MBD3L1: variants seen among roughly 807,000 people sequenced by gnomAD.
MBD3L1 encodes methyl-CpG binding domain protein 3 like 1.
For synonymous variants in MBD3L1, 84 were observed against 85.1 expected, an observed-to-expected ratio of 0.99 and a Z score of 0.07; for missense variants, 203 against 230.1, an observed-to-expected ratio of 0.88 and a Z score of 0.76.
At chr19:8,841,417 G>T (rs2044511767) in intron 2 of MBD3L1, among the ~76,000 whole-genome samples, 1 of 152,078 alleles carries the variant, frequency 6.6e-6, no homozygotes, top group African/African-American at 2.4e-5. Context: ...AGATACGGAG[G>T]TCCGGAGTAA....
intron 1 of MBD3L1, among the ~76,000 whole-genome samples, chr19:8,839,595 G>A (rs2044490421): frequency 6.6e-6 from 1 of 152,162 alleles, no homozygotes; most frequent in South Asian, 2.1e-4. Flanking sequence ...CAAGAGTCAT[G>A]TCAGATGAAT....
At chr19:8,839,264 A>G (rs549464666) in intron 1 of MBD3L1, among the ~76,000 whole-genome samples, 1 of 144,124 alleles carries the variant, frequency 6.9e-6, no homozygotes, top group African/African-American at 2.6e-5. Flanking sequence ...GGCTCACTGC[A>G]AGCTCCGCCT....
At chr19:8,841,028 ATT>A (rs35087324) in intron 2 of MBD3L1, 29 bp downstream of exon 2, 11 of 139,928 alleles carry the variant, frequency 7.9e-5, no homozygotes, top group East Asian at 2.1e-4. Flanking sequence ...ATCTAAATGA[ATT>A]TTTTTTTTTT....
chr19:8,838,369 A>C (rs1764909736), intron 1 of MBD3L1, among the ~76,000 whole-genome samples: 2 of 151,618 alleles, frequency 1.3e-5, no homozygotes, highest in African/African-American at 4.8e-5. Context: ...AGGAATTGCT[A>C]AGGATGGAGA....
rs185317800 is a variant in MBD3L1 at position 8,838,231 on chromosome 19, C to T, written c.-106-2684C>T. 1.4e-4 allele frequency among the ~76,000 whole-genome samples: 15 copies of T among 107,072 alleles called. No individual in the cohort carries two copies. In the East Asian group the frequency reaches 1.6e-3, roughly 12 times the overall value. 70.2% of individuals were successfully genotyped at this position (107,072 alleles called of 152,430 possible). On this transcript the variant is annotated intron_variant, in intron 1 of 2. Coordinates refer to ENST00000595891, the MANE Select transcript of MBD3L1 (RefSeq NM_001393532.1). ...TCACTGCACTGCACTCCAGCCTGGA[C>T]GACAGAGCAAGACTCCATCTCAAAA...
At chr19:8,842,122 A>G (rs1477797711) in intron 2 of MBD3L1, among the ~76,000 whole-genome samples, 1 of 151,950 alleles carries the variant, frequency 6.6e-6, no homozygotes, top group Non-Finnish European at 1.5e-5. Flanking sequence ...TGAGTTCAGG[A>G]GTTCCAGACC....
intron 1 of MBD3L1, among the ~76,000 whole-genome samples, chr19:8,835,378 G>A (rs992392781): frequency 4.2e-4 from 64 of 152,164 alleles, no homozygotes; most frequent in African/African-American, 1.3e-3. Context: ...AGTTCGAATC[G>A]TCATTTCTAC....
rs146192665 is a variant in MBD3L1, at chr19:8,842,935, C to T, written c.257C>T (p.Thr86Ile). The T allele has an allele frequency of 2.5e-6, 4 of 1,614,228 alleles. No individual in the cohort carries two copies. The highest frequency in any genetic ancestry group is 3.4e-6 in the Non-Finnish European group (4 of 1,180,044). The change falls in exon 3 of 3, where the codon ACT (threonine) becomes ATT (isoleucine). Residue 86 changes from threonine (T) to isoleucine (I), a missense_variant. By Grantham distance (89) the Thr-to-Ile change is moderately conservative (BLOSUM62 -1). Coordinates refer to ENST00000595891, the MANE Select transcript of MBD3L1 (RefSeq NM_001393532.1). ...AYSSAGELSS[T>I]LDLANTLQKL... The stretch of plus-strand genomic sequence containing the variant: ...AGCAGTGCAGGAGAACTTTCAAGCA[C>T]TTTGGATCTTGCCAATACCTTGCAA...
intron 1 of MBD3L1, among the ~76,000 whole-genome samples, chr19:8,837,657 C>G (rs1599309722): frequency 6.6e-6 from 1 of 152,132 alleles, no homozygotes; most frequent in African/African-American, 2.4e-5. Flanking sequence ...TCACACTGGC[C>G]TCATGGACAA....
At position 8,843,092 on chromosome 19, in the gene MBD3L1, T is replaced by C; in HGVS notation, c.414T>C (p.Gly138=). Residue 138 remains glycine (G), a synonymous_variant, in exon 3 of 3, where the codon GGT becomes GGC. Coordinates refer to ENST00000595891, the MANE Select transcript of MBD3L1 (RefSeq NM_001393532.1). ...AGATAATTCCTGCAGAGGGAGTGGGTATCTCGCAGCTCCTCTGCAAACAAT... is the reference window on the plus strand; with the variant it reads ...AGATAATTCCTGCAGAGGGAGTGGGCATCTCGCAGCTCCTCTGCAAACAAT... ...AVEIIPAEGV[G]ISQLLCKQFL... 6.2e-7 allele frequency: 1 copy of C among 1,613,870 alleles called. No individual in the cohort carries two copies.
Position 8,841,196 on chromosome 19 carries a change from CT to C in MBD3L1, c.-22+212del, listed in dbSNP as rs749536479. Among the ~76,000 whole-genome samples the C allele has an allele frequency of 6.9e-3, 935 of 135,282 alleles. 1 individual carries two copies. Among genetic ancestry groups the C allele is most frequent in the South Asian group, 9.4e-3 (38 of 4,060 alleles). 88.8% of individuals were successfully genotyped at this position (135,282 alleles called of 152,430 possible). On this transcript the variant is annotated intron_variant, in intron 2 of 2. Coordinates refer to ENST00000595891, the MANE Select transcript of MBD3L1 (RefSeq NM_001393532.1). ...TGTGCGCCACCACACCCAGCTAATTCTTTTTTTTTTTTTTTGGTAGAGATGG... is the reference window on the plus strand; with the variant it reads ...TGTGCGCCACCACACCCAGCTAATTCTTTTTTTTTTTTTTGGTAGAGATGG...
rs2044526068 is a variant in MBD3L1, at chr19:8,842,779, C to T, written c.101C>T (p.Thr34Ile). 6.2e-7 allele frequency: 1 copy of T among 1,614,064 alleles called. No individual in the cohort carries two copies. The highest frequency in any genetic ancestry group is 1.1e-5 in the South Asian group (1 of 91,084). Residue 34 changes from threonine to isoleucine, a missense_variant, in exon 3 of 3, where the codon ACA (threonine) becomes ATA (isoleucine). Thr to Ile is a moderately conservative substitution (Grantham distance 89, BLOSUM62 -1). Coordinates refer to ENST00000595891, the MANE Select transcript of MBD3L1 (RefSeq NM_001393532.1). Reference sequence around the variant, plus strand: ...ATCCCTTTGAGAATGTCCAGTTACACATTCAAGAGGCCAGTAACGAGAATT... The same window carrying T: ...ATCCCTTTGAGAATGTCCAGTTACATATTCAAGAGGCCAGTAACGAGAATT... ...TSIPLRMSSY[T>I]FKRPVTRITP...
chr19:8,840,448 C>T (rs1599312024), intron 1 of MBD3L1, among the ~76,000 whole-genome samples: 1 of 152,210 alleles, frequency 6.6e-6, no homozygotes, highest in Non-Finnish European at 1.5e-5. Context: ...GGACCTCAGA[C>T]ATGTATCATC....
rs58030020 is a variant in MBD3L1 at position 8,837,198 on chromosome 19, G to A, written c.-106-3717G>A. Among the ~76,000 whole-genome samples, 917 of 152,300 alleles carry A rather than the reference G, an allele frequency of 6.0e-3. 15 individuals are homozygous for A. Among genetic ancestry groups the A allele is most frequent in the African/African-American group, 0.019 (788 of 41,562 alleles). ...TGGTAACATATACCCAAAGCTGTAC[G>A]AATGTGCATATTTATCAACCCAGCA... On this transcript the variant is annotated intron_variant, in intron 1 of 2. Transcript: ENST00000595891.
intron 1 of MBD3L1, among the ~76,000 whole-genome samples, chr19:8,835,954 A>G (rs1424007448): frequency 6.6e-6 from 1 of 152,232 alleles, no homozygotes; most frequent in Non-Finnish European, 1.5e-5. Flanking sequence ...TAAAATTTCC[A>G]GAATAAGAAA....
At chr19:8,840,859 A>T (rs902008352) in intron 1 of MBD3L1, 56 bp from the exon 2 acceptor site, 8 of 152,102 alleles carry the variant, frequency 5.3e-5, no homozygotes, top group African/African-American at 1.9e-4. Flanking sequence ...GATGGAGAAT[A>T]TTTTGTATTT....
intron 1 of MBD3L1, chr19:8,833,104 TA>T: frequency 6.6e-6 from 1 of 152,440 alleles, no homozygotes; most frequent in Non-Finnish European, 1.5e-5. Flanking sequence ...TGGGTATGAA[TA>T]AAAGGGTGTA....
At chr19:8,839,336 AC>A (rs1483405179) in intron 1 of MBD3L1, among the ~76,000 whole-genome samples, 1 of 151,708 alleles carries the variant, frequency 6.6e-6, no homozygotes, top group African/African-American at 2.4e-5. Context: ...GGTGTGTGCC[AC>A]CACACCCACC....
At chr19:8,842,581 G>A in intron 2 of MBD3L1, 77 bp from the exon 3 acceptor site, 2 of 1,073,994 alleles carry the variant, frequency 1.9e-6, no homozygotes, top group South Asian at 1.6e-5. Flanking sequence ...TGAAAGTCCA[G>A]AACAGCTGAG....
Sources: gnomAD v4.1 joint callset for allele counts (sites outside exome capture counted in the v4.1 genomes callset) on GRCh38, gnomAD v4.1.1 for gene constraint, MANE v1.5 for transcripts, NCBI Gene and HGNC (gene_info 2026-07-23, HGNC 2026-07-21) for gene names.